The following RNF125 variants were observed in gnomAD, a reference collection of about 807,000 sequenced individuals.
RNF125 encodes ring finger protein 125.
RNF125 carries 21 observed loss-of-function variants against 26.0 expected under a neutral mutation model. The ratio of observed to expected loss-of-function variants is 0.81; its 90% confidence interval spans 0.57 to 1.16. The LOEUF (loss-of-function observed/expected upper bound fraction) is 1.16. RNF125 is among the 50% of genes most tolerant of loss of function. The probability of loss-of-function intolerance (pLI) is 0.00; values close to 1 mark genes in which losing one functional copy is unlikely to be tolerated. For missense variants in RNF125, 270 were observed against 299.4 expected, an observed-to-expected ratio of 0.90 and a Z score of 0.72; for synonymous variants, 95 against 109.2, an observed-to-expected ratio of 0.87 and a Z score of 0.81.
chr18:32,053,304 G>C (rs1480149202), intron 4 of RNF125, among the ~76,000 whole-genome samples: 2 of 152,148 alleles, frequency 1.3e-5, no homozygotes, highest in African/African-American at 4.8e-5. Flanking sequence ...GGAGGTTGTA[G>C]TGAGCCGAGA....
intron 1 of RNF125, among the ~76,000 whole-genome samples, chr18:32,019,514 C>G (rs768091730): frequency 5.9e-5 from 9 of 152,234 alleles, no homozygotes; most frequent in Non-Finnish European, 1.2e-4. Flanking sequence ...TTTGCTGGAG[C>G]TGTGCACGTG....
chr18:32,023,731 C>A (rs1285306213), intron 1 of RNF125, among the ~76,000 whole-genome samples: 1 of 152,090 alleles, frequency 6.6e-6, no homozygotes, highest in Non-Finnish European at 1.5e-5. Flanking sequence ...GTTTGTGAAT[C>A]CAAAGAGAAA....
chr18:32,065,184 A>G (rs929957263), intron 4 of RNF125, among the ~76,000 whole-genome samples: 4 of 152,144 alleles, frequency 2.6e-5, no homozygotes, highest in African/African-American at 9.6e-5. Context: ...TAAAGTTGAC[A>G]GTTTATTTTT....
rs1192543391 is a variant in RNF125, at chr18:32,072,377, C to T, written c.*3993C>T. 1.3e-5 allele frequency: 2 copies of T among 152,158 alleles called. No individual in the cohort carries two copies. The highest frequency in any genetic ancestry group is 2.4e-5 in the African/African-American group (1 of 41,432). 9.4% of individuals were successfully genotyped at this position (152,158 alleles called of 1,614,324 possible). On this transcript the variant is annotated 3_prime_UTR_variant, in exon 6 of 6. Coordinates refer to ENST00000217740, the MANE Select transcript of RNF125 (RefSeq NM_017831.4). Reference sequence around the variant, plus strand: ...CATTGGTGTTGACCATGCAGACAAACTTTTGTTAATTCAGAGCGATACAAA... The same window carrying T: ...CATTGGTGTTGACCATGCAGACAAATTTTTGTTAATTCAGAGCGATACAAA...
intron 1 of RNF125, among the ~76,000 whole-genome samples, chr18:32,032,736 A>G (rs1408638579): frequency 6.6e-6 from 1 of 152,110 alleles, no homozygotes; most frequent in Non-Finnish European, 1.5e-5. Context: ...TCACGCCTGT[A>G]TAATCCCAAC....
At chr18:32,044,439 C>T (rs989802251) in intron 3 of RNF125, among the ~76,000 whole-genome samples, 6 of 152,092 alleles carry the variant, frequency 3.9e-5, no homozygotes, top group East Asian at 1.9e-4. Context: ...ATCATCTGAA[C>T]GTGTAATCAG....
chr18:32,063,743 A>C (rs2039456237), intron 4 of RNF125, among the ~76,000 whole-genome samples: 1 of 152,224 alleles, frequency 6.6e-6, no homozygotes, highest in African/African-American at 2.4e-5. Context: ...CTCAGTAATA[A>C]GGAGGGAGCT....
chr18:32,042,101 G>A (rs2039226428), intron 2 of RNF125, 78 bp from the exon 3 acceptor site: 1 of 1,014,170 alleles, frequency 9.9e-7, no homozygotes, highest in Non-Finnish European at 1.5e-6. Context: ...TTACTTGAAA[G>A]TTAAAAGGCT....
At chr18:32,084,714 A>G in the RNF125 span, among the ~76,000 whole-genome samples, 1 of 152,206 alleles carries the variant, frequency 6.6e-6, no homozygotes, top group East Asian at 1.9e-4. Flanking sequence ...AGCTGGGATT[A>G]TATTCACCTC....
chr18:32,019,820 TAC>T (rs1424992801), intron 1 of RNF125, among the ~76,000 whole-genome samples: 1 of 152,210 alleles, frequency 6.6e-6, no homozygotes, highest in Non-Finnish European at 1.5e-5. Flanking sequence ...CGGCGGAAAT[TAC>T]AGAGTAAAAT....
At chr18:32,061,944 T>G (rs1000374843) in intron 4 of RNF125, among the ~76,000 whole-genome samples, 4 of 152,210 alleles carry the variant, frequency 2.6e-5, no homozygotes, top group Admixed American at 2.0e-4. Context: ...GAAACTATTT[T>G]CTGGGTACTA....
intron 1 of RNF125, among the ~76,000 whole-genome samples, chr18:32,023,368 G>A (rs975978771): frequency 6.6e-6 from 1 of 152,070 alleles, no homozygotes; most frequent in African/African-American, 2.4e-5. Context: ...GCCCAGGCTG[G>A]TCTTGAACCC....
the RNF125 span, among the ~76,000 whole-genome samples, chr18:32,089,350 C>T: frequency 6.6e-6 from 1 of 152,146 alleles, no homozygotes; most frequent in East Asian, 1.9e-4. Flanking sequence ...CATCATCCTC[C>T]CTTCCCTTCT....
At chr18:32,064,396 C>CTTTTT (rs775086863) in intron 4 of RNF125, among the ~76,000 whole-genome samples, 2,678 of 86,720 alleles carry the variant, frequency 0.031, 214 homozygotes, top group African/African-American at 0.059. Context: ...TTTTCTTTTT[C>CTTTTT]TTTTTTTTTT....
chr18:32,073,941 G>C (rs114174393), downstream of RNF125, among the ~76,000 whole-genome samples: 2 of 152,140 alleles, frequency 1.3e-5, no homozygotes, highest in African/African-American at 4.8e-5. Flanking sequence ...CTAGAAAATC[G>C]TGTGGTATTT....
chr18:32,079,377 T>C, the RNF125 span, among the ~76,000 whole-genome samples: 1 of 152,212 alleles, frequency 6.6e-6, no homozygotes, highest in African/African-American at 2.4e-5. Context: ...AGCTTCAACA[T>C]ATGAATTTTG....
intron 1 of RNF125, among the ~76,000 whole-genome samples, chr18:32,023,304 C>A (rs1257461229): frequency 1.3e-5 from 2 of 152,138 alleles, no homozygotes; most frequent in East Asian, 3.8e-4. Flanking sequence ...AGACATGCAC[C>A]ACCACACCTG....
chr18:32,038,832 C>G (rs1027876462), intron 2 of RNF125, among the ~76,000 whole-genome samples: 2 of 152,010 alleles, frequency 1.3e-5, no homozygotes, highest in African/African-American at 4.8e-5. Flanking sequence ...GTGGTGCGAT[C>G]TCAGCTCACT....
rs139055751 is a variant in RNF125, at chr18:32,065,488, A to G, written c.505-414A>G. Reference sequence around the variant, plus strand: ...CCTGACCTCGTGATCCACCCGCCTCAACCTCCCAAAATGTTGGGATTATAG... The same window carrying G: ...CCTGACCTCGTGATCCACCCGCCTCGACCTCCCAAAATGTTGGGATTATAG... On this transcript the variant is annotated intron_variant, in intron 4 of 5. Coordinates refer to ENST00000217740, the MANE Select transcript of RNF125 (RefSeq NM_017831.4). Among the ~76,000 whole-genome samples, 343 of 151,686 alleles carry G rather than the reference A, an allele frequency of 2.3e-3. 1 individual carries two copies. Among genetic ancestry groups the G allele is most frequent in the African/African-American group, 8.0e-3 (331 of 41,300 alleles).
Sources: gnomAD v4.1 joint callset for allele counts (sites outside exome capture counted in the v4.1 genomes callset) on GRCh38, gnomAD v4.1.1 for gene constraint, MANE v1.5 for transcripts, NCBI Gene and HGNC (gene_info 2026-07-23, HGNC 2026-07-21) for gene names.